Variants in ADAR observed in about 807,000 individuals in gnomAD.
The protein encoded by ADAR is adenosine deaminase RNA specific, also known as double-stranded RNA-specific adenosine deaminase.
ADAR carries 41 observed loss-of-function variants against 113.2 expected under a neutral mutation model. The observed-to-expected ratio is 0.36, with a 90% CI of 0.28 to 0.47. The LOEUF (loss-of-function observed/expected upper bound fraction) is 0.47, where lower values mean the gene tolerates loss of function less well. ADAR is among the 20% of genes least tolerant of loss of function. The pLI, the probability that ADAR is intolerant of heterozygous loss-of-function variation, is 1.00. For missense variants in ADAR, 1,242 were observed against 1,540.9 expected (o/e 0.81, Z 3.25); for synonymous variants, 605 against 572.6 (o/e 1.06, Z -0.81).
upstream of ADAR, among the ~76,000 whole-genome samples, chr1:154,608,492 C>CTTTTT (rs67463447): frequency 0.26 from 17,249 of 65,208 alleles, 3,370 homozygotes; most frequent in East Asian, 0.37. Flanking sequence ...TCACTCCTGG[C>CTTTTT]TTTTTTTTTT....
chr1:154,610,604 A>C (rs749272720), upstream of ADAR, among the ~76,000 whole-genome samples: 172 of 151,992 alleles, frequency 1.1e-3, 2 homozygotes, highest in Non-Finnish European at 2.9e-4. Context: ...AGGTCAGGGG[A>C]TCGAGACCAT....
intron 8 of ADAR, 45 bp downstream of exon 8, chr1:154,589,712 C>G (rs944933560): frequency 1.9e-6 from 3 of 1,612,908 alleles, no homozygotes; most frequent in Non-Finnish European, 2.5e-6. Flanking sequence ...GAGGCACCCG[C>G]TTTCAGGCGC....
chr1:154,627,883 C>T (rs759781529), exon 1 of ADAR: 6 of 518,354 alleles, frequency 1.2e-5, no homozygotes, highest in South Asian at 4.2e-5. Flanking sequence ...GGGACACGGC[C>T]GGACACCCGG....
intron 1 of ADAR, among the ~76,000 whole-genome samples, chr1:154,616,077 G>A (rs543309970): frequency 5.3e-5 from 8 of 152,204 alleles, no homozygotes; most frequent in Middle Eastern, 3.4e-3. Flanking sequence ...AGGGGGGAGG[G>A]GGAACACAGG....
chr1:154,590,135 A>AGGGG, intron 7 of ADAR, 49 bp downstream of exon 7: 2 of 1,205,018 alleles, frequency 1.7e-6, no homozygotes, highest in Non-Finnish European at 1.2e-6. Context: ...CTTAGGAGTT[A>AGGGG]GGAGGACCCC....
intron 1 of ADAR, among the ~76,000 whole-genome samples, chr1:154,621,853 T>C (rs1008371226): frequency 2.0e-5 from 3 of 152,172 alleles, no homozygotes; most frequent in African/African-American, 7.2e-5. Flanking sequence ...GCCGCTTGGA[T>C]GTTTGGAGTA....
exon 1 of ADAR, chr1:154,627,913 G>GGCCCTCCCCCCCCCCCCCCCCCCC: frequency 3.9e-6 from 2 of 517,170 alleles, no homozygotes; most frequent in South Asian, 1.4e-5. Context: ...GTGCGGCCGC[G>GGCCCTCCCCCCCCCCCCCCCCCCC]ACCCTCCCCC....
rs1698325359 is a variant in ADAR at position 154,608,130 on chromosome 1, G to A, written c.-124C>T. ...ACTCCGCACTGGAAGTGGCCCCGGG[G>A]CGTCGGCACGGGAAACTCCGCGGGT... On this transcript the variant is annotated 5_prime_UTR_variant, in exon 1 of 15. Coordinates refer to ENST00000368474, the MANE Select transcript of ADAR (RefSeq NM_001111.5). 7.8e-7 allele frequency: 1 copy of A among 1,278,036 alleles called. No homozygotes were observed. The highest frequency in any genetic ancestry group is 1.7e-5 in the South Asian group (1 of 59,902). The allele number at this position is 1,278,036 out of a possible 1,614,324, so 79.2% of individuals were successfully genotyped here. A position where few individuals can be genotyped will look rare whatever the true frequency, so the allele number is the denominator to read the frequency against.
intron 1 of ADAR, among the ~76,000 whole-genome samples, chr1:154,627,448 C>A (rs982414000): frequency 4.6e-5 from 7 of 152,366 alleles, no homozygotes; most frequent in African/African-American, 1.7e-4. Flanking sequence ...CGGCGAGTCC[C>A]AGGCAGCTCA....
Position 154,590,141 on chromosome 1 carries a change from A to ACCCC in ADAR, c.2496+39_2496+42dup, listed in dbSNP as rs3215061. 55 of 762,076 alleles carry ACCCC rather than the reference A, an allele frequency of 7.2e-5. No homozygotes were observed. In the African/African-American group the frequency reaches 7.3e-4, roughly 10 times the overall value. The allele number at this position is 762,076 out of a possible 1,614,324, so 47.2% of individuals were successfully genotyped here. On this transcript the variant is annotated intron_variant, in intron 7 of 14. Transcript: ENST00000368474. ...CCACCTCCACTTAGGAGTTAGGAGGACCCCCCCGCCCCAAAAAAGGCACCA... is the reference window on the plus strand; with the variant it reads ...CCACCTCCACTTAGGAGTTAGGAGGACCCCCCCCCCCGCCCCAAAAAAGGCACCA...
intron 1 of ADAR, among the ~76,000 whole-genome samples, chr1:154,617,746 A>G (rs1698673970): frequency 6.6e-6 from 1 of 152,234 alleles, no homozygotes; most frequent in Non-Finnish European, 1.5e-5. Flanking sequence ...TTATTAAATC[A>G]ATAGCAAGTC....
chr1:154,608,151 C>A lies in ADAR; in HGVS notation c.-145G>T. ...CGGGGCGTCGGCACGGGAAACTCCG[C>A]GGGTCTGCGCGCCGGGCCCAAGATG... On this transcript the variant is annotated 5_prime_UTR_variant, in exon 1 of 15. Transcript: ENST00000368474. 2.0e-6 allele frequency: 2 copies of A among 1,010,164 alleles called. No individual in the cohort carries two copies. Among genetic ancestry groups the A allele is most frequent in the Non-Finnish European group, 2.7e-6 (2 of 731,320 alleles). 62.6% of individuals were successfully genotyped at this position (1,010,164 alleles called of 1,614,324 possible). A position where few individuals can be genotyped will look rare whatever the true frequency, so the allele number is the denominator to read the frequency against.
chr1:154,613,904 C>CCAAAAA (rs59907056), intron 1 of ADAR, among the ~76,000 whole-genome samples: 1 of 124,268 alleles, frequency 8.0e-6, no homozygotes, highest in African/African-American at 3.3e-5. Flanking sequence ...AACTCCATCT[C>CCAAAAA]AAAAAAAAAA....
chr1:154,585,228 G>T lies in ADAR; in HGVS notation c.3432C>A (p.Gly1144=), dbSNP rs568610646. 8 of 1,614,146 alleles carry T rather than the reference G, an allele frequency of 5.0e-6. No individual in the cohort carries two copies. In the African/African-American group the frequency reaches 9.3e-5, roughly 19 times the overall value. Residue 1144 remains glycine (G), a synonymous_variant, in exon 14 of 15, where the codon GGC becomes GGA. Transcript: ENST00000368474. The stretch of plus-strand genomic sequence containing the variant: ...TCCTGTCTCCTTACCCATCCACAGT[G>T]CCTCTGGTACCGTCCAGGATCTCCA... The part of the protein sequence containing the change: ...YDLEILDGTR[G]TVDGPRNELS...
chr1:154,588,198 T>C lies in ADAR; in HGVS notation c.2946A>G (p.Glu982=). The change falls in exon 11 of 15, where the codon GAA becomes GAG. Residue 982 remains glutamate (E), a synonymous_variant. Transcript: ENST00000368474. ...FDKSCSDRAM[E]STESRHYPVF... ...CAGGGTAGTGGCGGGATTCTGTGCTTTCCATAGCACGGTCGCTGCAGGACT... is the reference window on the plus strand; with the variant it reads ...CAGGGTAGTGGCGGGATTCTGTGCTCTCCATAGCACGGTCGCTGCAGGACT... 2 of 1,614,066 alleles carry C rather than the reference T, an allele frequency of 1.2e-6. No individual in the cohort carries two copies. Among genetic ancestry groups the C allele is most frequent in the Non-Finnish European group, 1.7e-6 (2 of 1,179,992 alleles).
exon 1 of ADAR, chr1:154,627,913 G>GGCCCCCC: frequency 3.9e-6 from 2 of 517,134 alleles, no homozygotes; most frequent in South Asian, 1.4e-5. Flanking sequence ...GTGCGGCCGC[G>GGCCCCCC]ACCCTCCCCC....
chr1:154,605,419 C>T (rs144326449), intron 1 of ADAR, among the ~76,000 whole-genome samples: 6 of 140,396 alleles, frequency 4.3e-5, no homozygotes, highest in Admixed American at 7.9e-5. Context: ...TACTTTCCCT[C>T]GTATCAGAGC....
At chr1:154,591,760 T>C (rs1697164766) in intron 6 of ADAR, among the ~76,000 whole-genome samples, 1 of 152,132 alleles carries the variant, frequency 6.6e-6, no homozygotes, top group South Asian at 2.1e-4. Flanking sequence ...GGAATCAACG[T>C]TTATGTTCAA....
intron 1 of ADAR, chr1:154,605,928 A>G (rs1238886010): frequency 3.2e-5 from 29 of 917,198 alleles, no homozygotes; most frequent in Non-Finnish European, 3.6e-5. Flanking sequence ...TCTTGGCCCA[A>G]ATCTGGAAAA....
Sources: allele counts gnomAD v4.1 joint callset (sites outside exome capture counted in the v4.1 genomes callset), GRCh38; gene constraint gnomAD v4.1.1; transcripts MANE v1.5; gene names NCBI Gene and HGNC (gene_info 2026-07-23, HGNC 2026-07-21).